Variants in TENM4 observed in about 807,000 individuals in gnomAD.
TENM4 encodes teneurin-4.
Under a neutral mutation model 243.3 loss-of-function variants are expected in TENM4, and 82 were observed. The ratio of observed to expected loss-of-function variants is 0.34; its 90% CI spans 0.28 to 0.40. The LOEUF (loss-of-function observed/expected upper bound fraction) is 0.40, where lower values mean the gene tolerates loss of function less well. Ranked by LOEUF, TENM4 falls within the 10% of genes least tolerant of loss-of-function variation. TENM4 has a pLI of 1.00. For synonymous variants in TENM4, 1,412 were observed against 1,456.3 expected (o/e 0.97, Z 0.69); for missense variants, 3,138 against 3,673.3 (o/e 0.85, Z 3.77).
intron 27 of TENM4, among the ~76,000 whole-genome samples, chr11:78,706,431 C>T (rs1859250027): frequency 6.6e-6 from 1 of 152,150 alleles, no homozygotes; most frequent in South Asian, 2.1e-4. Context: ...GTGTGCTCTC[C>T]CTTGCTTACC....
At chr11:78,708,337 C>T in intron 27 of TENM4, 24 bp downstream of exon 27, 1 of 1,613,220 alleles carries the variant, frequency 6.2e-7, no homozygotes. Context: ...AGTCCCAGGG[C>T]TTTGGTAGAT....
rs551438321 is a variant in TENM4 at position 78,696,502 on chromosome 11, C to T, written c.5087+5024G>A. On this transcript the variant is annotated intron_variant, in intron 28 of 33. Coordinates refer to ENST00000278550, the MANE Select transcript of TENM4 (RefSeq NM_001098816.3). ...AGCCTGAGTGAGTGATAGGTTTATG[C>T]CTGGAAATGGGTGTGAGTTTCCTTG... 1.8e-4 allele frequency among the ~76,000 whole-genome samples: 27 copies of T among 152,092 alleles called. 1 individual carries two copies. The highest frequency in any genetic ancestry group is 5.9e-5 in the Non-Finnish European group (4 of 67,984).
intron 10 of TENM4, among the ~76,000 whole-genome samples, chr11:78,862,115 G>A (rs1273478823): frequency 1.3e-5 from 2 of 152,154 alleles, no homozygotes; most frequent in African/African-American, 4.8e-5. Context: ...AAATATCCAT[G>A]TCTCATTGTA....
intron 29 of TENM4, among the ~76,000 whole-genome samples, chr11:78,676,951 G>C (rs1249407650): frequency 6.6e-6 from 1 of 152,194 alleles, no homozygotes; most frequent in Non-Finnish European, 1.5e-5. Context: ...AGAATCTCTA[G>C]AGACGGTGGT....
rs1360473588 is a variant in TENM4, at chr11:78,724,251, A to AT, written c.3551-1335dup. Among the ~76,000 whole-genome samples the AT allele has an allele frequency of 2.6e-5, 4 of 152,134 alleles. No homozygotes were observed. In the East Asian group the frequency reaches 7.8e-4, roughly 29 times the overall value. On this transcript the variant is annotated intron_variant, in intron 23 of 33. Transcript: ENST00000278550. ...AAGCATGTGCAACCACACCCAGCTAATTTTTTAAAAACAATTATTTTAGTA... is the reference window on the plus strand; with the variant it reads ...AAGCATGTGCAACCACACCCAGCTAATTTTTTTAAAAACAATTATTTTAGTA...
chr11:79,283,468 C>T (rs566314943), intron 2 of TENM4, among the ~76,000 whole-genome samples: 19 of 152,110 alleles, frequency 1.2e-4, no homozygotes, highest in Admixed American at 9.8e-4. Flanking sequence ...AAAAACCACA[C>T]GATTATGTCA....
intron 1 of TENM4, among the ~76,000 whole-genome samples, chr11:79,414,087 G>A (rs1858760919): frequency 6.6e-6 from 1 of 151,984 alleles, no homozygotes; most frequent in South Asian, 2.1e-4. Context: ...TGCTCTCAAA[G>A]GGAGACAGAT....
chr11:79,234,556 G>T (rs929865655), intron 2 of TENM4, among the ~76,000 whole-genome samples: 1 of 152,208 alleles, frequency 6.6e-6, no homozygotes, highest in African/African-American at 2.4e-5. Context: ...GGAAAGCATG[G>T]TGGGTGGAGG....
rs182448177 is a variant in TENM4, at chr11:79,032,874, G to T, written c.493+31864C>A. 4.8e-3 allele frequency among the ~76,000 whole-genome samples: 725 copies of T among 152,246 alleles called. 21 individuals are homozygous for T. Among genetic ancestry groups the T allele is most frequent in the Non-Finnish European group, 1.2e-3 (82 of 68,026 alleles). ...TTTTCCCCATTCCTCAGGCCCCTGA[G>T]AATTATTTTCACGACAAAAAGTTGT... On this transcript the variant is annotated intron_variant, in intron 6 of 33. Transcript: ENST00000278550.
intron 1 of TENM4, among the ~76,000 whole-genome samples, chr11:79,390,443 G>A (rs564247167): frequency 6.6e-6 from 1 of 152,352 alleles, no homozygotes; most frequent in African/African-American, 2.4e-5. Flanking sequence ...CAAGAGAACA[G>A]AAAGAACCAA....
At chr11:79,373,620 G>A (rs574278265) in intron 1 of TENM4, among the ~76,000 whole-genome samples, 6 of 151,996 alleles carry the variant, frequency 3.9e-5, no homozygotes, top group Non-Finnish European at 8.8e-5. Flanking sequence ...GAAGGAGGTC[G>A]AAAGATCATA....
At chr11:79,259,636 CCCATCCAT>C (rs71050215) in intron 2 of TENM4, among the ~76,000 whole-genome samples, 1 of 141,768 alleles carries the variant, frequency 7.1e-6, no homozygotes, top group African/African-American at 2.7e-5. Context: ...CATCCACTCC[CCCATCCAT>C]CCATCCATCC....
chr11:78,690,216 G>A (rs1400851994), intron 28 of TENM4, among the ~76,000 whole-genome samples: 2 of 152,162 alleles, frequency 1.3e-5, no homozygotes, highest in East Asian at 1.9e-4. Context: ...TCTGAGAGAC[G>A]GCGGCTAGGA....
intron 1 of TENM4, among the ~76,000 whole-genome samples, chr11:79,383,590 A>C (rs1190375737): frequency 6.6e-6 from 1 of 152,160 alleles, no homozygotes; most frequent in African/African-American, 2.4e-5. Flanking sequence ...GTGTGTCTTC[A>C]TGTTCTGTGC....
chr11:78,849,181 G>A (rs1261133394), intron 12 of TENM4, among the ~76,000 whole-genome samples: 2 of 152,182 alleles, frequency 1.3e-5, no homozygotes, highest in Non-Finnish European at 2.9e-5. Flanking sequence ...GAATGAAAAC[G>A]AACTTGTTAG....
intron 1 of TENM4, among the ~76,000 whole-genome samples, chr11:79,303,131 C>G (rs1463097076): frequency 6.6e-6 from 1 of 152,200 alleles, no homozygotes. Flanking sequence ...TCTGAAGCCT[C>G]CTCTCTTCAA....
chr11:78,743,820 T>C (rs1490746043), intron 19 of TENM4, among the ~76,000 whole-genome samples: 1 of 152,198 alleles, frequency 6.6e-6, no homozygotes, highest in Non-Finnish European at 1.5e-5. Context: ...GCAGCTTTTA[T>C]TATTTTGTGT....
intron 3 of TENM4, among the ~76,000 whole-genome samples, chr11:79,206,521 T>C (rs1449438130): frequency 6.6e-6 from 1 of 152,218 alleles, no homozygotes; most frequent in African/African-American, 2.4e-5. Context: ...GGTTTGGCTG[T>C]GTCCCCACCC....
At chr11:79,288,238 C>T (rs1856291537) in intron 2 of TENM4, among the ~76,000 whole-genome samples, 1 of 152,224 alleles carries the variant, frequency 6.6e-6, no homozygotes, top group Non-Finnish European at 1.5e-5. Context: ...GTCTCCCCAA[C>T]CCTTAGACCC....
Sources: allele counts gnomAD v4.1 joint callset (sites outside exome capture counted in the v4.1 genomes callset), GRCh38; gene constraint gnomAD v4.1.1; transcripts MANE v1.5; gene names NCBI Gene and HGNC (gene_info 2026-07-23, HGNC 2026-07-21).